The following LRRIQ1 variants were observed in gnomAD, a reference collection of about 807,000 sequenced individuals.
LRRIQ1 encodes leucine rich repeats and IQ motif containing 1.
LRRIQ1 carries 210 observed loss-of-function variants against 211.9 expected under a neutral mutation model. The ratio of observed to expected loss-of-function variants is 0.99; its 90% CI spans 0.89 to 1.11. The LOEUF is 1.11. Among genes scored for constraint, LRRIQ1 ranks in the 50% most tolerant of loss-of-function variants. The pLI, the probability that LRRIQ1 is intolerant of heterozygous loss-of-function variation, is 0.00. For missense variants in LRRIQ1, 2,136 were observed against 1,939.5 expected (o/e 1.10, Z -1.90); for synonymous variants, 699 against 650.1 (o/e 1.08, Z -1.14).
At chr12:85,263,689 A>G (rs1896360002) in exon 2 of LRRIQ1, 1 of 152,006 alleles carries the variant, frequency 6.6e-6, no homozygotes, top group African/African-American at 2.4e-5. Context: ...TATTACCCTT[A>G]TTTATAGAGG....
At chr12:85,062,893 T>C (rs1171646080) in intron 8 of LRRIQ1, among the ~76,000 whole-genome samples, 1 of 151,826 alleles carries the variant, frequency 6.6e-6, no homozygotes, top group Non-Finnish European at 1.5e-5. Flanking sequence ...CAAAAGCCAT[T>C]CTAATTGGTG....
chr12:85,167,649 A>T (rs1422560026), intron 24 of LRRIQ1, among the ~76,000 whole-genome samples: 1 of 152,258 alleles, frequency 6.6e-6, no homozygotes, highest in South Asian at 2.1e-4. Flanking sequence ...GCCCACCCAG[A>T]TTGAGGGTGG....
rs1219193629 is a variant in LRRIQ1, at chr12:85,036,390, G to T, written c.-42G>T. ...GGCGCTGTCTTACAACAAAGCCAAG[G>T]AATCTCGCTGCTGAGGGGTGAGCCG... is the stretch of plus-strand genomic sequence containing the variant. On this transcript the variant is annotated 5_prime_UTR_variant, in exon 1 of 27. Coordinates refer to ENST00000393217, the MANE Select transcript of LRRIQ1 (RefSeq NM_001079910.2). The T allele has an allele frequency of 6.6e-6, 1 of 152,182 alleles. No individual in the cohort carries two copies. Among genetic ancestry groups the T allele is most frequent in the Non-Finnish European group, 1.5e-5 (1 of 68,084 alleles). The allele number at this position is 152,182 out of a possible 1,614,324, so 9.4% of individuals were successfully genotyped here. A position where few individuals can be genotyped will look rare whatever the true frequency, so the allele number is the denominator to read the frequency against.
chr12:85,151,351 A>G (rs1288000615), intron 19 of LRRIQ1, among the ~76,000 whole-genome samples: 1 of 151,638 alleles, frequency 6.6e-6, no homozygotes, highest in East Asian at 1.9e-4. Flanking sequence ...TGGTCTTTCA[A>G]AAGGCAGTCA....
At chr12:85,171,798 G>C (rs1891432036) in intron 24 of LRRIQ1, among the ~76,000 whole-genome samples, 2 of 152,154 alleles carry the variant, frequency 1.3e-5, no homozygotes, top group African/African-American at 4.8e-5. Context: ...CATATGAAGA[G>C]AAGGTGGCCA....
At chr12:85,064,022 T>C (rs190535048) in intron 8 of LRRIQ1, among the ~76,000 whole-genome samples, 11 of 151,970 alleles carry the variant, frequency 7.2e-5, no homozygotes, top group African/African-American at 2.4e-4. Context: ...CTCTTCATTA[T>C]ACTGATTTCA....
At chr12:85,051,253 G>C (rs1880277893) in intron 6 of LRRIQ1, among the ~76,000 whole-genome samples, 1 of 151,784 alleles carries the variant, frequency 6.6e-6, no homozygotes, top group Non-Finnish European at 1.5e-5. Flanking sequence ...GTGAGTAAAA[G>C]CATCCTCAGG....
At chr12:85,057,423 G>T (rs955866225) in intron 8 of LRRIQ1, among the ~76,000 whole-genome samples, 6 of 151,950 alleles carry the variant, frequency 3.9e-5, no homozygotes, top group African/African-American at 1.4e-4. Flanking sequence ...ATATCTTGAA[G>T]CCTGTGTTCA....
chr12:85,071,915 T>C (rs566140904), intron 10 of LRRIQ1, among the ~76,000 whole-genome samples: 54 of 152,168 alleles, frequency 3.5e-4, no homozygotes, highest in African/African-American at 9.4e-4. Flanking sequence ...ATTATTACAA[T>C]TCAAGGTGAG....
In LRRIQ1 at chr12:85,080,690, A is replaced by G. The variant is rs180966312; in HGVS notation, c.2887+7592A>G. 5.4e-5 allele frequency among the ~76,000 whole-genome samples: 8 copies of G among 149,492 alleles called. No homozygotes were observed. In the East Asian group the frequency reaches 1.4e-3, roughly 26 times the overall value. On this transcript the variant is annotated intron_variant, in intron 11 of 26. Coordinates refer to ENST00000393217, the MANE Select transcript of LRRIQ1 (RefSeq NM_001079910.2). ...TTACTTGTTTTTTTTTTTACTTGAC[A>G]TTCAATTTGCATTTTTATAGTATCT...
intron 18 of LRRIQ1, among the ~76,000 whole-genome samples, chr12:85,134,743 C>T (rs1889004512): frequency 6.6e-6 from 1 of 151,994 alleles, no homozygotes; most frequent in African/African-American, 2.4e-5. Flanking sequence ...AGTGCACTAT[C>T]TGTGACTTTC....
chr12:85,128,933 G>T (rs1888566095), intron 18 of LRRIQ1, among the ~76,000 whole-genome samples: 1 of 152,166 alleles, frequency 6.6e-6, no homozygotes, highest in Non-Finnish European at 1.5e-5. Context: ...ATATCAAAGT[G>T]TTGACTGGGG....
In LRRIQ1 at chr12:85,056,018, C is replaced by T; in HGVS notation, c.1225C>T (p.His409Tyr). The T allele has an allele frequency of 6.2e-7, 1 of 1,605,148 alleles. No homozygotes were observed. Among genetic ancestry groups the T allele is most frequent in the Non-Finnish European group, 8.5e-7 (1 of 1,177,332 alleles). Residue 409 changes from histidine (H) to tyrosine (Y), a missense_variant, in exon 8 of 27, where the codon CAT becomes TAT. Coordinates refer to ENST00000393217, the MANE Select transcript of LRRIQ1 (RefSeq NM_001079910.2). ...AAAGAAGAGCGGATATAATAACAAA[C>T]ATTTAAGTCTTGAAGATATTTCAAA... The part of the protein sequence containing the change: ...ALKKSGYNNK[H>Y]LSLEDISNDK...
chr12:85,075,765 G>A (rs1883578432), intron 11 of LRRIQ1, among the ~76,000 whole-genome samples: 1 of 151,870 alleles, frequency 6.6e-6, no homozygotes, highest in Non-Finnish European at 1.5e-5. Context: ...TACTCGGGAG[G>A]CTGAGTTGAG....
chr12:85,187,702 G>A (rs113026414), intron 24 of LRRIQ1, among the ~76,000 whole-genome samples: 7,583 of 151,540 alleles, frequency 0.05, 632 homozygotes, highest in African/African-American at 0.17. Flanking sequence ...CCAGCTACCC[G>A]GGAGGCTGAG....
chr12:85,202,566 G>A (rs1418298976), intron 24 of LRRIQ1, among the ~76,000 whole-genome samples: 4 of 152,050 alleles, frequency 2.6e-5, no homozygotes, highest in African/African-American at 7.2e-5. Context: ...GGTCTTTCCT[G>A]GTTTAAAGTC....
chr12:85,193,440 C>T (rs1357716146), intron 24 of LRRIQ1, among the ~76,000 whole-genome samples: 33 of 137,068 alleles, frequency 2.4e-4, no homozygotes, highest in African/African-American at 8.6e-4. Flanking sequence ...GGGTTACCCT[C>T]AAAGGGAAGC....
the LRRIQ1 span, among the ~76,000 whole-genome samples, chr12:85,270,363 GA>G: frequency 1.3e-5 from 2 of 151,974 alleles, no homozygotes; most frequent in African/African-American, 4.8e-5. Flanking sequence ...AAAAATCATG[GA>G]AAATTTATGT....
chr12:85,075,648 A>G, intron 11 of LRRIQ1, among the ~76,000 whole-genome samples: 1 of 152,058 alleles, frequency 6.6e-6, no homozygotes, highest in East Asian at 1.9e-4. Flanking sequence ...ACCTCCCAGC[A>G]GGCCCCACCT....
Sources: gnomAD v4.1 joint callset for allele counts (sites outside exome capture counted in the v4.1 genomes callset) on GRCh38, gnomAD v4.1.1 for gene constraint, MANE v1.5 for transcripts, NCBI Gene and HGNC (gene_info 2026-07-23, HGNC 2026-07-21) for gene names.